Variants in VAMP7 observed in about 807,000 individuals in gnomAD.
VAMP7 encodes the protein vesicle associated membrane protein 7.
In VAMP7, 14 loss-of-function variants were observed where a neutral mutation model predicts 29.6. That is an observed-to-expected ratio of 0.47 (90% confidence interval 0.31 to 0.74). The LOEUF is 0.74. Ranked by LOEUF, VAMP7 falls within the 30% of genes least tolerant of loss-of-function variation. The pLI, the probability that VAMP7 is intolerant of heterozygous loss-of-function variation, is 0.05. For synonymous variants in VAMP7, 95 were observed against 88.1 expected (o/e 1.08, Z -0.44); for missense variants, 223 against 262.4 (o/e 0.85, Z 1.04).
At chrX:155,925,827 G>A (rs998879604) in intron 6 of VAMP7, among the ~76,000 whole-genome samples, 1 of 152,154 alleles carries the variant, frequency 6.6e-6, no homozygotes, top group Non-Finnish European at 1.5e-5. Flanking sequence ...GCAGTTCCCA[G>A]CTTGACTTTT....
chrX:155,931,388 T>C (rs1463091724), intron 6 of VAMP7, among the ~76,000 whole-genome samples: 1 of 152,180 alleles, frequency 6.6e-6, no homozygotes, highest in Non-Finnish European at 1.5e-5. Context: ...TCCTGACTTT[T>C]TAATGATCGC....
intron 3 of VAMP7, among the ~76,000 whole-genome samples, chrX:155,897,170 GATTATGAATATACAACCTATATTC>G (rs2065998847): frequency 6.6e-6 from 1 of 152,078 alleles, no homozygotes; most frequent in East Asian, 1.9e-4. Context: ...ATACTACCCC[GATTATGAATATACAACCTATATTC>G]ACAATTGAAA....
intron 6 of VAMP7, among the ~76,000 whole-genome samples, chrX:155,924,322 T>A (rs949579414): frequency 8.5e-5 from 13 of 152,168 alleles, no homozygotes; most frequent in Non-Finnish European, 1.6e-4. Flanking sequence ...TTTAACCTTT[T>A]TAAAGTGCAC....
chrX:155,929,594 C>G (rs1367721468), intron 6 of VAMP7, among the ~76,000 whole-genome samples: 1 of 152,058 alleles, frequency 6.6e-6, no homozygotes, highest in African/African-American at 2.4e-5. Flanking sequence ...AAATTTTTCT[C>G]TTCTGAAAGC....
intron 2 of VAMP7, among the ~76,000 whole-genome samples, chrX:155,893,445 C>T (rs1221826198): frequency 3.3e-5 from 5 of 152,106 alleles, no homozygotes; most frequent in African/African-American, 7.2e-5. Context: ...AGCTAGAAAA[C>T]GTTAGTGTAG....
chrX:155,905,967 G>C (rs1480984410), intron 5 of VAMP7, among the ~76,000 whole-genome samples: 1 of 41,686 alleles, frequency 2.4e-5, no homozygotes, highest in Non-Finnish European at 4.5e-5. Flanking sequence ...TGTTGAATCT[G>C]TAGATCAATT....
chrX:155,895,619 A>G lies in VAMP7; in HGVS notation c.147-4A>G. 3 of 1,602,872 alleles carry G rather than the reference A, an allele frequency of 1.9e-6. No individual in the cohort carries two copies. The highest frequency in any genetic ancestry group is 2.6e-6 in the Non-Finnish European group (3 of 1,170,102). On this transcript the variant is annotated splice_region_variant and splice_polypyrimidine_tract_variant and intron_variant, in intron 2 of 7. Coordinates refer to ENST00000286448, the MANE Select transcript of VAMP7 (RefSeq NM_005638.6). ...CAGTAAGTTTTATATCTTTTATTCT[A>G]CAGTTATTTGTTTCATTACATCTGC... is the stretch of plus-strand genomic sequence containing the variant.
chrX:155,897,409 C>T (rs749454743), intron 3 of VAMP7, among the ~76,000 whole-genome samples: 17 of 151,762 alleles, frequency 1.1e-4, no homozygotes, highest in African/African-American at 2.9e-4. Flanking sequence ...TCCAAAAGTA[C>T]GAAAAAATCT....
intron 3 of VAMP7, among the ~76,000 whole-genome samples, chrX:155,897,207 T>C (rs2065999444): frequency 6.6e-6 from 1 of 152,138 alleles, no homozygotes; most frequent in Non-Finnish European, 1.5e-5. Context: ...AATTGAAATA[T>C]AAGTTAACGA....
intron 1 of VAMP7, among the ~76,000 whole-genome samples, chrX:155,885,217 C>A (rs963976077): frequency 2.0e-5 from 3 of 152,154 alleles, no homozygotes; most frequent in Admixed American, 1.3e-4. Context: ...AGTCCCTTAA[C>A]ATAGTAAAAA....
At chrX:155,920,420 G>A (rs1445080955) in intron 6 of VAMP7, among the ~76,000 whole-genome samples, 2 of 152,162 alleles carry the variant, frequency 1.3e-5, no homozygotes, top group African/African-American at 2.4e-5. Flanking sequence ...TGCAGTTACT[G>A]TGGATGAAAG....
chrX:155,931,346 G>C (rs77718412), intron 6 of VAMP7, among the ~76,000 whole-genome samples: 1 of 152,050 alleles, frequency 6.6e-6, no homozygotes, highest in Admixed American at 6.5e-5. Context: ...AAGTGTTCCT[G>C]TTTCTCCACA....
intron 6 of VAMP7, among the ~76,000 whole-genome samples, chrX:155,936,554 A>G (rs2066659805): frequency 1.3e-5 from 2 of 152,160 alleles, no homozygotes; most frequent in Admixed American, 1.3e-4. Context: ...GGAAAAGCGC[A>G]GTATTAGGGT....
Position 155,900,586 on chromosome X carries a change from A to AGATCT in VAMP7, c.433_433+1insATCTG (p.Val147IlefsTer3). The AGATCT allele has an allele frequency of 1.2e-6, 2 of 1,603,872 alleles. No homozygotes were observed. Among genetic ancestry groups the AGATCT allele is most frequent in the East Asian group, 4.5e-5 (2 of 44,568 alleles). On this transcript the variant is annotated frameshift_variant and splice_region_variant, in exon 5 of 8. Coordinates refer to ENST00000286448, the MANE Select transcript of VAMP7 (RefSeq NM_005638.6). LOFTEE classifies it high-confidence loss of function. ...TGAAAGGAATCATGGTCAGAAACATAGGTATGTTTCATGGCATAGTTTCAT... is the reference window on the plus strand; with the variant it reads ...TGAAAGGAATCATGGTCAGAAACATAGATCTGGTATGTTTCATGGCATAGTTTCAT...
chrX:155,901,456 A>G (rs2066061257), intron 5 of VAMP7, among the ~76,000 whole-genome samples: 1 of 152,016 alleles, frequency 6.6e-6, no homozygotes, highest in Admixed American at 6.6e-5. Flanking sequence ...TTCCAGAAAA[A>G]TCAACGTTTT....
chrX:155,921,113 CT>C (rs2066389690), intron 6 of VAMP7, among the ~76,000 whole-genome samples: 1 of 152,070 alleles, frequency 6.6e-6, no homozygotes, highest in Admixed American at 6.6e-5. Context: ...GAGGATTACC[CT>C]GCTTAGGGGG....
intron 3 of VAMP7, among the ~76,000 whole-genome samples, chrX:155,897,126 G>T (rs925272398): frequency 4.6e-5 from 7 of 152,116 alleles, no homozygotes; most frequent in African/African-American, 1.2e-4. Flanking sequence ...TACAAAAAAA[G>T]ATTTCTGTTG....
rs1374798376 is a variant in VAMP7, at chrX:155,927,945, G to GTC, written c.501+8076_501+8077dup. 4.6e-5 allele frequency among the ~76,000 whole-genome samples: 7 copies of GTC among 151,666 alleles called. No individual in the cohort carries two copies. In the East Asian group the frequency reaches 5.8e-4, roughly 13 times the overall value. ...GTTTGTTTTGTTTTTTTAAGACAGA[G>GTC]TCTCTCTCTCTCACCCAGGCTGGAG... On this transcript the variant is annotated intron_variant, in intron 6 of 7. Coordinates refer to ENST00000286448, the MANE Select transcript of VAMP7 (RefSeq NM_005638.6).
intron 6 of VAMP7, among the ~76,000 whole-genome samples, chrX:155,934,744 T>C (rs2066620949): frequency 1.3e-5 from 2 of 152,216 alleles, no homozygotes; most frequent in Admixed American, 1.3e-4. Context: ...CCTGTCATTA[T>C]GATGCTAGCT....
Sources: allele counts gnomAD v4.1 joint callset (sites outside exome capture counted in the v4.1 genomes callset), GRCh38; gene constraint gnomAD v4.1.1; transcripts MANE v1.5; gene names NCBI Gene and HGNC (gene_info 2026-07-23, HGNC 2026-07-21).